HLF: variants seen among roughly 807,000 people sequenced by gnomAD.
HLF encodes HLF transcription factor, PAR bZIP family member.
In HLF, 3 loss-of-function variants were observed where a neutral mutation model predicts 22.6. The ratio of observed to expected loss-of-function variants is 0.13; its 90% CI spans 0.06 to 0.34. The LOEUF is 0.34. Ranked by LOEUF, HLF falls within the 10% of genes least tolerant of loss-of-function variation. The pLI is 1.00. For synonymous variants in HLF, 151 were observed against 151.8 expected, an observed-to-expected ratio of 0.99 and a Z score of 0.04; for missense variants, 299 against 389.2, an observed-to-expected ratio of 0.77 and a Z score of 1.95.
At chr17:55,312,882 C>T (rs995035288) in intron 2 of HLF, among the ~76,000 whole-genome samples, 1 of 151,978 alleles carries the variant, frequency 6.6e-6, no homozygotes, top group Admixed American at 6.6e-5. Flanking sequence ...GAAAAAATAC[C>T]CCTTACTTTT....
chr17:55,293,255 T>TTA (rs1567818464), intron 2 of HLF, among the ~76,000 whole-genome samples: 1 of 151,982 alleles, frequency 6.6e-6, no homozygotes, highest in Non-Finnish European at 1.5e-5. Context: ...TACATTTTTT[T>TTA]AATTAAGATT....
At chr17:55,300,192 G>A (rs939247262) in intron 2 of HLF, among the ~76,000 whole-genome samples, 3 of 152,248 alleles carry the variant, frequency 2.0e-5, no homozygotes, top group South Asian at 2.1e-4. Context: ...CACAGTGACC[G>A]CTCTTGAGGG....
intron 2 of HLF, among the ~76,000 whole-genome samples, chr17:55,279,098 A>G (rs965578668): frequency 6.6e-6 from 1 of 152,230 alleles, no homozygotes; most frequent in Admixed American, 6.5e-5. Context: ...TCCTCATAAA[A>G]TCTAAAGCAT....
intron 2 of HLF, among the ~76,000 whole-genome samples, chr17:55,276,576 G>GTA (rs368496281): frequency 2.0e-5 from 3 of 152,328 alleles, no homozygotes; most frequent in African/African-American, 7.2e-5. Flanking sequence ...GATTGGAGAG[G>GTA]TTAATGCCCC....
Position 55,320,757 on chromosome 17 carries a change from C to G in HLF, c.766C>G (p.Arg256Gly). ...RRLKENQIAI[R>G]ASFLEKENSA... Reference sequence around the variant, plus strand: ...GCTGAAAGAGAACCAGATCGCCATCCGGGCCTCGTTCCTGGAGAAGGAGAA... The same window carrying G: ...GCTGAAAGAGAACCAGATCGCCATCGGGGCCTCGTTCCTGGAGAAGGAGAA... The change falls in exon 4 of 4, where the codon CGG (arginine) becomes GGG (glycine). Residue 256 changes from arginine to glycine, a missense_variant. By Grantham distance (125) the Arg-to-Gly change is moderately radical. Transcript: ENST00000226067. The surrounding 1 kb of genome is among the most constrained non-coding windows in gnomAD (Gnocchi z 4.2). 1 of 1,614,008 alleles carries G rather than the reference C, an allele frequency of 6.2e-7. No homozygotes were observed. Among genetic ancestry groups the G allele is most frequent in the Non-Finnish European group, 8.5e-7 (1 of 1,179,934 alleles).
intron 2 of HLF, among the ~76,000 whole-genome samples, chr17:55,286,951 C>T (rs2081009557): frequency 1.3e-5 from 2 of 152,176 alleles, no homozygotes; most frequent in African/African-American, 4.8e-5. Flanking sequence ...TGGGTACAGT[C>T]TTTGCTTACT....
intron 1 of HLF, chr17:55,266,840 C>G (rs1467990631): frequency 3.1e-6 from 3 of 981,052 alleles, no homozygotes; most frequent in South Asian, 4.7e-5. Flanking sequence ...ACCTAATGGG[C>G]GAGCAGTACT....
chr17:55,302,631 T>C (rs765465272), intron 2 of HLF, among the ~76,000 whole-genome samples: 5 of 152,156 alleles, frequency 3.3e-5, no homozygotes, highest in Non-Finnish European at 7.4e-5. Context: ...TTCACTCTCT[T>C]TTCTAAAAAC....
At chr17:55,294,591 C>T (rs1321558441) in intron 2 of HLF, among the ~76,000 whole-genome samples, 6 of 152,282 alleles carry the variant, frequency 3.9e-5, no homozygotes, top group South Asian at 4.1e-4. Context: ...GCAAAGCATC[C>T]GCAGCTCAGA....
At chr17:55,297,413 T>C (rs1166475613) in intron 2 of HLF, among the ~76,000 whole-genome samples, 3 of 152,194 alleles carry the variant, frequency 2.0e-5, no homozygotes, top group Non-Finnish European at 4.4e-5. Context: ...GGTTGGCACA[T>C]AGCTTTGGGA....
At position 55,265,507 on chromosome 17, in the gene HLF, T is replaced by C. The variant is rs2145285444; in HGVS notation, c.23T>C (p.Leu8Pro). The C allele has an allele frequency of 1.2e-6, 2 of 1,606,350 alleles. No homozygotes were observed. The highest frequency in any genetic ancestry group is 1.7e-6 in the Non-Finnish European group (2 of 1,175,594). Reference protein sequence around the residue: MEKMSRPLPLNPTFIPPP... With the variant: MEKMSRPPPLNPTFIPPP... ...GCGATGGAGAAAATGTCCCGACCGCTCCCCCTGAATCCCACCTTTATCCCG... is the reference window on the plus strand; with the variant it reads ...GCGATGGAGAAAATGTCCCGACCGCCCCCCCTGAATCCCACCTTTATCCCG... The change falls in exon 1 of 4, where the codon CTC becomes CCC. Residue 8 changes from leucine (L) to proline (P), a missense_variant. Coordinates refer to ENST00000226067, the MANE Select transcript of HLF (RefSeq NM_002126.5).
At chr17:55,312,560 G>A (rs1904879855) in intron 2 of HLF, among the ~76,000 whole-genome samples, 3 of 152,152 alleles carry the variant, frequency 2.0e-5, no homozygotes, top group Admixed American at 6.5e-5. Context: ...ATTGCATATG[G>A]TATATTGATA....
chr17:55,288,926 C>G lies in HLF; in HGVS notation c.451+20840C>G, dbSNP rs538422955. 4.6e-5 allele frequency: 45 copies of G among 985,348 alleles called. 1 individual carries two copies. The South Asian group carries it at 1.6e-3, about 34-fold the overall frequency. The allele number at this position is 985,348 out of a possible 1,614,324, so 61.0% of individuals were successfully genotyped here. A position where few individuals can be genotyped will look rare whatever the true frequency, so the allele number is the denominator to read the frequency against. Reference sequence around the variant, plus strand: ...AGCTCCAGCCTGCATGTTCCCAGATCACCTGTAAGAGTTCTTAAAACTCAT... The same window carrying G: ...AGCTCCAGCCTGCATGTTCCCAGATGACCTGTAAGAGTTCTTAAAACTCAT... On this transcript the variant is annotated intron_variant, in intron 2 of 3. Transcript: ENST00000226067.
chr17:55,321,554 G>A lies in HLF; in HGVS notation c.*675G>A, dbSNP rs1474262656. ...TTCTACCAACCCCAGATAAGTAAGA[G>A]TACTATTAATAGAACACAGAGTGTG... is the stretch of plus-strand genomic sequence containing the variant. On this transcript the variant is annotated 3_prime_UTR_variant, in exon 4 of 4. Coordinates refer to ENST00000226067, the MANE Select transcript of HLF (RefSeq NM_002126.5). 4.4e-6 allele frequency: 1 copy of A among 228,696 alleles called. No individual in the cohort carries two copies. Among genetic ancestry groups the A allele is most frequent in the African/African-American group, 2.2e-5 (1 of 45,136 alleles). 14.2% of individuals were successfully genotyped at this position (228,696 alleles called of 1,614,324 possible).
chr17:55,288,997 C>T (rs1194126702), intron 2 of HLF: 1 of 936,960 alleles, frequency 1.1e-6, no homozygotes, highest in East Asian at 1.2e-4. Context: ...AGTAGAGAAG[C>T]TCCATGTTGG....
At chr17:55,265,797 C>A in intron 1 of HLF, 198 bp downstream of exon 1, 1 of 1,337,506 alleles carries the variant, frequency 7.5e-7, no homozygotes, top group Non-Finnish European at 9.5e-7. Context: ...AGGGGAGGGA[C>A]CCCTCCTGAG....
chr17:55,277,584 G>A (rs1201448099), intron 2 of HLF, among the ~76,000 whole-genome samples: 1 of 151,440 alleles, frequency 6.6e-6, no homozygotes, highest in Non-Finnish European at 1.5e-5. Flanking sequence ...CATATTGGGA[G>A]TACTAGTAAA....
chr17:55,280,387 C>G (rs1053348582), intron 2 of HLF, among the ~76,000 whole-genome samples: 1 of 152,218 alleles, frequency 6.6e-6, no homozygotes, highest in Non-Finnish European at 1.5e-5. Context: ...GTGTAATTGC[C>G]TGCTTTCTTG....
intron 2 of HLF, among the ~76,000 whole-genome samples, chr17:55,309,095 T>A (rs983712153): frequency 6.6e-6 from 1 of 152,030 alleles, no homozygotes; most frequent in Non-Finnish European, 1.5e-5. Context: ...ATGCAAGAGG[T>A]AGGGAAATAG....
Sources: allele counts gnomAD v4.1 joint callset (sites outside exome capture counted in the v4.1 genomes callset), GRCh38; gene constraint gnomAD v4.1.1; non-coding constraint Gnocchi (gnomAD v3.1); transcripts MANE v1.5; gene names NCBI Gene and HGNC (gene_info 2026-07-23, HGNC 2026-07-21).